COL5A3: variants seen among roughly 807,000 people sequenced by gnomAD.
The protein encoded by COL5A3 is collagen alpha-3(V) chain.
In COL5A3, 172 loss-of-function variants were observed where a neutral mutation model predicts 250.0. The ratio of observed to expected loss-of-function variants is 0.69; its 90% CI spans 0.61 to 0.78. COL5A3 has a LOEUF of 0.78. Among genes scored for constraint, COL5A3 ranks in the 30% least tolerant of loss-of-function variants. The pLI, the probability that COL5A3 is intolerant of heterozygous loss-of-function variation, is 0.00. For missense variants in COL5A3, 2,340 were observed against 2,334.4 expected, an observed-to-expected ratio of 1.00 and a Z score of -0.05; for synonymous variants, 937 against 900.4, an observed-to-expected ratio of 1.04 and a Z score of -0.73.
chr19:10,005,852 A>G lies in COL5A3; in HGVS notation c.381T>C (p.Gly127=). The change falls in exon 3 of 67, where the codon GGT becomes GGC. Residue 127 remains glycine, a synonymous_variant. Coordinates refer to ENST00000264828, the MANE Select transcript of COL5A3 (RefSeq NM_015719.4). ...GGGGGCGGAAGGGGTCACCTAGGAG[A>G]CCCAGCGCTGGCCCCAGTGCCAGGC... is the stretch of plus-strand genomic sequence containing the variant. The part of the protein sequence containing the change: ...QLGLALGPAL[G]LLGDPFRPLP... 6.2e-7 allele frequency: 1 copy of G among 1,613,636 alleles called. No homozygotes were observed. The highest frequency in any genetic ancestry group is 8.5e-7 in the Non-Finnish European group (1 of 1,179,932).
chr19:9,963,362 A>G (rs1200614308), intron 64 of COL5A3, among the ~76,000 whole-genome samples: 1 of 149,778 alleles, frequency 6.7e-6, no homozygotes, highest in Non-Finnish European at 1.5e-5. Flanking sequence ...AGCTAGAACT[A>G]CAGGCATGTA....
At chr19:9,974,948 AG>A (rs2086899167) in intron 45 of COL5A3, among the ~76,000 whole-genome samples, 1 of 152,004 alleles carries the variant, frequency 6.6e-6, no homozygotes, top group Non-Finnish European at 1.5e-5. Context: ...CCCAGGCTGG[AG>A]TGCAGTGGCG....
At chr19:10,004,245 A>G in intron 4 of COL5A3, 100 bp from the exon 5 acceptor site, 1 of 786,656 alleles carries the variant, frequency 1.3e-6, no homozygotes, top group Non-Finnish European at 2.2e-6. Context: ...TCCTGGCACC[A>G]GGGTGCAATG....
Position 9,979,238 on chromosome 19 carries a change from C to T in COL5A3, c.2768G>A (p.Gly923Glu), listed in dbSNP as rs2086969264. Residue 923 changes from glycine to glutamate, a missense_variant and splice_region_variant, in exon 39 of 67, where the codon GGA becomes GAA. Physicochemically the swap from Gly to Glu is moderately conservative, Grantham distance 98. This residue lies in a region of COL5A3 where 1,179 missense variants were observed against 1,162.6 expected (regional missense o/e 1.01). Transcript: ENST00000264828. ...PGPAGVLGPQ[G>E]KTGEVGPLGE... ...TAGAGGTCCCACTTCTCCTGTCTTT[C>T]CCTGGTGAGGAAGAAGGCTCCTGTT... 6.2e-7 allele frequency: 1 copy of T among 1,608,012 alleles called. No homozygotes were observed. Among genetic ancestry groups the T allele is most frequent in the Admixed American group, 1.7e-5 (1 of 58,606 alleles).
chr19:9,971,560 C>CTCAT (rs905942498), intron 51 of COL5A3, among the ~76,000 whole-genome samples: 26 of 151,828 alleles, frequency 1.7e-4, no homozygotes, highest in East Asian at 3.8e-4. Context: ...CATTCATTCA[C>CTCAT]TCATTCATTC....
chr19:9,994,364 T>C lies in COL5A3; in HGVS notation c.1588-558A>G, dbSNP rs571034721. ...TGGCTAATTTTTTATTTGTATTTTGTGTAGAGACCGGGTTTTGCCATGTTG... is the reference window on the plus strand; with the variant it reads ...TGGCTAATTTTTTATTTGTATTTTGCGTAGAGACCGGGTTTTGCCATGTTG... On this transcript the variant is annotated intron_variant, in intron 16 of 66. Coordinates refer to ENST00000264828, the MANE Select transcript of COL5A3 (RefSeq NM_015719.4). Among the ~76,000 whole-genome samples, 85 of 150,912 alleles carry C rather than the reference T, an allele frequency of 5.6e-4. No individual in the cohort carries two copies. The Middle Eastern group carries it at 0.014, about 24-fold the overall frequency.
chr19:9,986,041 G>T (rs796629452), intron 30 of COL5A3, 146 bp from the exon 31 acceptor site: 1 of 756,874 alleles, frequency 1.3e-6, no homozygotes, highest in South Asian at 1.6e-5. Flanking sequence ...GCCTGCTAGG[G>T]GCATGTCCTT....
At chr19:9,980,427 G>A (rs911205429) in intron 35 of COL5A3, among the ~76,000 whole-genome samples, 7 of 152,062 alleles carry the variant, frequency 4.6e-5, no homozygotes, top group African/African-American at 1.7e-4. Flanking sequence ...GCAGTGGTGT[G>A]ATTAGCTCAC....
intron 61 of COL5A3, 104 bp from the exon 62 acceptor site, chr19:9,967,504 C>T (rs1042499547): frequency 2.6e-6 from 2 of 763,878 alleles, no homozygotes; most frequent in African/African-American, 1.8e-5. Context: ...CTCACACACA[C>T]ACAGTCTCAC....
intron 10 of COL5A3, 59 bp from the exon 11 acceptor site, chr19:9,997,492 T>G: frequency 8.8e-7 from 1 of 1,137,194 alleles, no homozygotes; most frequent in Non-Finnish European, 1.3e-6. Flanking sequence ...TAGGCTGACT[T>G]TCAACCTACC....
intron 1 of COL5A3, 74 bp downstream of exon 1, chr19:10,010,224 C>T: frequency 9.1e-7 from 1 of 1,104,562 alleles, no homozygotes; most frequent in Non-Finnish European, 1.2e-6. Context: ...CCCTCCACCC[C>T]CCTCCACCCC....
At position 10,001,588 on chromosome 19, in the gene COL5A3, G is replaced by A. The variant is rs1599227720; in HGVS notation, c.1046C>T (p.Ser349Phe). The A allele has an allele frequency of 6.2e-7, 1 of 1,614,114 alleles. No individual in the cohort carries two copies. The highest frequency in any genetic ancestry group is 1.7e-5 in the Admixed American group (1 of 60,014). The change falls in exon 8 of 67, where the codon TCC (serine) becomes TTC (phenylalanine). Residue 349 changes from serine (S) to phenylalanine (F), a missense_variant. Physicochemically the swap from Ser to Phe is radical, Grantham distance 155 (BLOSUM62 -2). Coordinates refer to ENST00000264828, the MANE Select transcript of COL5A3 (RefSeq NM_015719.4). ...TGCCCGGAAGTCAGGGCCCATGGTG[G>A]AATCATCTCCTTCTTCATCCTCCCT... Reference protein sequence around the residue: ...AAREDEEGDDSTMGPDFRAAE... With the variant: ...AAREDEEGDDFTMGPDFRAAE...
At chr19:9,985,165 G>T (rs1421786075) in intron 31 of COL5A3, among the ~76,000 whole-genome samples, 1 of 151,542 alleles carries the variant, frequency 6.6e-6, no homozygotes, top group Non-Finnish European at 1.5e-5. Flanking sequence ...TGGCCAGGCT[G>T]GTCTCAAACT....
Position 9,983,582 on chromosome 19 carries a change from AAGAAAGAAAGAAAGAAAGAGAAAG to A in COL5A3, c.2407-1488_2407-1465del, listed in dbSNP as rs1568418743. On this transcript the variant is annotated intron_variant, in intron 31 of 66. Coordinates refer to ENST00000264828, the MANE Select transcript of COL5A3 (RefSeq NM_015719.4). Reference sequence around the variant, plus strand: ...AAAGAAAGAAAGAAAGAAAGAAAGAAAGAAAGAAAGAAAGAAAGAGAAAGAGAGAGAGAGAGAAAGAAAGAAAGA... The same window carrying A: ...AAAGAAAGAAAGAAAGAAAGAAAGAAAGAGAGAGAGAGAAAGAAAGAAAGA... Among the ~76,000 whole-genome samples, 89 of 117,344 alleles carry A rather than the reference AAGAAAGAAAGAAAGAAAGAGAAAG, an allele frequency of 7.6e-4. 2 individuals are homozygous for A. In the East Asian group the frequency reaches 0.015, roughly 19 times the overall value. The allele number at this position is 117,344 out of a possible 152,430, so 77.0% of individuals were successfully genotyped here.
At position 10,006,168 on chromosome 19, in the gene COL5A3, GGCCCCTCGGGGACCCCA is replaced by G. The variant is rs1261117950; in HGVS notation, c.135_151del (p.Gly46TrpfsTer11). ...TGGAGTCCTCTGGGGACAGAAGCCAGGCCCCTCGGGGACCCCAGCCTGGCCTCCCTGCACACCCAGGG... is the reference window on the plus strand; with the variant it reads ...TGGAGTCCTCTGGGGACAGAAGCCAGGCCTGGCCTCCCTGCACACCCAGGG... On this transcript the variant is annotated frameshift_variant, in exon 2 of 67. Coordinates refer to ENST00000264828, the MANE Select transcript of COL5A3 (RefSeq NM_015719.4). LOFTEE classifies it high-confidence loss of function. 2 of 1,609,572 alleles carry G rather than the reference GGCCCCTCGGGGACCCCA, an allele frequency of 1.2e-6. No individual in the cohort carries two copies. The highest frequency in any genetic ancestry group is 1.7e-6 in the Non-Finnish European group (2 of 1,178,118).
intron 8 of COL5A3, among the ~76,000 whole-genome samples, chr19:10,000,118 C>G (rs1021649849): frequency 1.5e-4 from 23 of 151,496 alleles, no homozygotes; most frequent in African/African-American, 5.3e-4. Flanking sequence ...AAAAAAAAAG[C>G]CTAAAATTTG....
At chr19:9,974,817 G>A (rs541839205) in intron 45 of COL5A3, among the ~76,000 whole-genome samples, 59 of 152,010 alleles carry the variant, frequency 3.9e-4, no homozygotes, top group African/African-American at 1.4e-3. Context: ...AAACAAAAAA[G>A]GACAGGTCTG....
intron 19 of COL5A3, 28 bp from the exon 20 acceptor site, chr19:9,993,095 C>A (rs780374735): frequency 2.2e-5 from 36 of 1,612,552 alleles, no homozygotes; most frequent in Non-Finnish European, 2.9e-5. Flanking sequence ...TACTTGGGAA[C>A]AGGAAGGTAC....
At position 9,974,176 on chromosome 19, in the gene COL5A3, A is replaced by G. The variant is rs1431966507; in HGVS notation, c.3499T>C (p.Ser1167Pro). The change falls in exon 47 of 67, where the codon TCC (serine) becomes CCC (proline). Residue 1167 changes from serine (S) to proline (P), a missense_variant. By Grantham distance (74) the Ser-to-Pro change is moderately conservative. Around this residue, in one of 3 missense-constraint regions of COL5A3, gnomAD observed 1,179 missense variants for 1,162.6 expected, o/e 1.01. Coordinates refer to ENST00000264828, the MANE Select transcript of COL5A3 (RefSeq NM_015719.4). ...CTTCCTCTGGGAGTGCATACCATGGACCCGACGTCTCCGACCTCCCCTTTC... is the reference window on the plus strand; with the variant it reads ...CTTCCTCTGGGAGTGCATACCATGGGCCCGACGTCTCCGACCTCCCCTTTC... ...GEKGEVGDVG[S>P]MGPHGAPGPR... The G allele has an allele frequency of 1.9e-6, 3 of 1,613,716 alleles. No individual in the cohort carries two copies. The highest frequency in any genetic ancestry group is 2.2e-5 in the South Asian group (2 of 91,028).
Sources: gnomAD v4.1 joint callset for allele counts (sites outside exome capture counted in the v4.1 genomes callset) on GRCh38, gnomAD v4.1.1 for gene constraint, gnomAD v4.1.1 regional missense constraint, MANE v1.5 for transcripts, NCBI Gene and HGNC (gene_info 2026-07-23, HGNC 2026-07-21) for gene names.